The following SPATA6 variants were observed in gnomAD, a reference collection of about 807,000 sequenced individuals.
SPATA6 encodes the protein spermatogenesis associated 6.
In SPATA6, 56 loss-of-function variants were observed where a neutral mutation model predicts 65.3. The ratio of observed to expected loss-of-function variants is 0.86; its 90% CI spans 0.69 to 1.07. SPATA6 has a LOEUF of 1.07. Ranked by LOEUF, SPATA6 falls within the 50% of genes least tolerant of loss-of-function variation. The pLI, the probability that SPATA6 is intolerant of heterozygous loss-of-function variation, is 0.00. For missense variants in SPATA6, 590 were observed against 594.8 expected, an observed-to-expected ratio of 0.99 and a Z score of 0.08; for synonymous variants, 199 against 213.2, an observed-to-expected ratio of 0.93 and a Z score of 0.58.
At chr1:48,316,270 T>G (rs529481451) in intron 11 of SPATA6, among the ~76,000 whole-genome samples, 1 of 152,276 alleles carries the variant, frequency 6.6e-6, no homozygotes, top group Non-Finnish European at 1.5e-5. Context: ...TCACGCTACC[T>G]GACTTCAAAC....
chr1:48,366,528 G>C (rs1471576062), intron 9 of SPATA6, among the ~76,000 whole-genome samples: 2 of 152,190 alleles, frequency 1.3e-5, no homozygotes, highest in African/African-American at 4.8e-5. Flanking sequence ...TCTTGGGAGG[G>C]TGTATGTGTC....
At chr1:48,462,787 A>G (rs1286342574) in intron 1 of SPATA6, among the ~76,000 whole-genome samples, 3 of 152,204 alleles carry the variant, frequency 2.0e-5, no homozygotes, top group Admixed American at 6.5e-5. Flanking sequence ...TTATGTATCT[A>G]CTTCACTGGG....
At chr1:48,463,781 G>GA (rs954875429) in intron 1 of SPATA6, among the ~76,000 whole-genome samples, 1 of 151,620 alleles carries the variant, frequency 6.6e-6, no homozygotes, top group Non-Finnish European at 1.5e-5. Flanking sequence ...AAAAATAAGT[G>GA]AAAAAAAGTA....
the SPATA6 span, among the ~76,000 whole-genome samples, chr1:48,276,064 A>G: frequency 1.3e-5 from 2 of 152,038 alleles, no homozygotes; most frequent in Non-Finnish European, 2.9e-5. Flanking sequence ...TAGTCTTGGG[A>G]AGGTGTCTGT....
chr1:48,365,749 T>C (rs1303654993), intron 9 of SPATA6, among the ~76,000 whole-genome samples: 1 of 152,086 alleles, frequency 6.6e-6, no homozygotes, highest in East Asian at 1.9e-4. Flanking sequence ...ACAGGGACAA[T>C]TTGACTTCCT....
chr1:48,353,844 G>A (rs1388559613), intron 11 of SPATA6, among the ~76,000 whole-genome samples: 3 of 151,834 alleles, frequency 2.0e-5, no homozygotes, highest in Non-Finnish European at 2.9e-5. Context: ...AAGTCTTAAA[G>A]TAGACAAAAA....
At chr1:48,272,961 C>T in the SPATA6 span, among the ~76,000 whole-genome samples, 23 of 152,056 alleles carry the variant, frequency 1.5e-4, no homozygotes, top group Non-Finnish European at 3.2e-4. Context: ...TTTTAAATTG[C>T]TATTTGTAAT....
intron 3 of SPATA6, among the ~76,000 whole-genome samples, chr1:48,437,664 C>T (rs1307796295): frequency 6.6e-6 from 1 of 152,156 alleles, no homozygotes; most frequent in African/African-American, 2.4e-5. Flanking sequence ...TTACATCAGA[C>T]CCTTTTCTGG....
At chr1:48,370,340 C>T (rs367627653) in intron 9 of SPATA6, among the ~76,000 whole-genome samples, 1 of 152,130 alleles carries the variant, frequency 6.6e-6, no homozygotes, top group Non-Finnish European at 1.5e-5. Context: ...AGTGCAGGTA[C>T]AACTTGCAGG....
At chr1:48,306,105 A>G (rs933296421) in intron 11 of SPATA6, among the ~76,000 whole-genome samples, 5 of 152,044 alleles carry the variant, frequency 3.3e-5, no homozygotes, top group African/African-American at 1.2e-4. Context: ...ATTGCTTATC[A>G]AAGACTAGGT....
At chr1:48,323,616 GAA>G (rs34150171) in intron 11 of SPATA6, among the ~76,000 whole-genome samples, 15,949 of 105,268 alleles carry the variant, frequency 0.15, 1,066 homozygotes, top group Middle Eastern at 0.24. Flanking sequence ...CACAACAACA[GAA>G]AAAAAAAAAA....
intron 11 of SPATA6, among the ~76,000 whole-genome samples, chr1:48,331,128 G>A (rs1187019047): frequency 6.6e-6 from 1 of 152,176 alleles, no homozygotes; most frequent in Admixed American, 6.5e-5. Flanking sequence ...AGACCACAAA[G>A]ATGATAAACA....
chr1:48,428,832 T>C (rs1206355092), intron 3 of SPATA6, among the ~76,000 whole-genome samples: 1 of 146,606 alleles, frequency 6.8e-6, no homozygotes, highest in Non-Finnish European at 1.5e-5. Flanking sequence ...TATGTGTGTA[T>C]ATATATGTGT....
chr1:48,278,079 A>C, the SPATA6 span, among the ~76,000 whole-genome samples: 1 of 152,188 alleles, frequency 6.6e-6, no homozygotes, highest in Admixed American at 6.5e-5. Context: ...CAGCGTCTGG[A>C]GTGGACCTCT....
chr1:48,446,653 T>C (rs972222720), intron 3 of SPATA6, among the ~76,000 whole-genome samples: 1 of 152,158 alleles, frequency 6.6e-6, no homozygotes, highest in African/African-American at 2.4e-5. Flanking sequence ...GTGCAATAAA[T>C]TGATAACCAT....
intron 6 of SPATA6, among the ~76,000 whole-genome samples, chr1:48,403,424 A>G (rs1389075528): frequency 6.6e-6 from 1 of 152,144 alleles, no homozygotes; most frequent in Non-Finnish European, 1.5e-5. Flanking sequence ...CTTAAAAGGT[A>G]TCCTTTGAAC....
At chr1:48,433,444 C>A (rs1654593373) in intron 3 of SPATA6, among the ~76,000 whole-genome samples, 1 of 152,112 alleles carries the variant, frequency 6.6e-6, no homozygotes, top group Admixed American at 6.5e-5. Flanking sequence ...TATTTTGTAA[C>A]TGTCTACTAT....
At chr1:48,336,021 T>C (rs566377470) in intron 11 of SPATA6, among the ~76,000 whole-genome samples, 3 of 152,016 alleles carry the variant, frequency 2.0e-5, no homozygotes, top group Non-Finnish European at 4.4e-5. Context: ...CCAAAAAGCA[T>C]ATGAAAAAAT....
rs575702437 is a variant in SPATA6, at chr1:48,425,787, C to T, written c.239-12636G>A. On this transcript the variant is annotated intron_variant, in intron 3 of 12. Transcript: ENST00000371847. ...ATGAATAAAACAAATTTTATCCCTACTTTATACTATATATAAAAATTAAAT... is the reference window on the plus strand; with the variant it reads ...ATGAATAAAACAAATTTTATCCCTATTTTATACTATATATAAAAATTAAAT... Among the ~76,000 whole-genome samples, 5 of 152,068 alleles carry T rather than the reference C, an allele frequency of 3.3e-5. No individual in the cohort carries two copies. In the East Asian group the frequency reaches 7.7e-4, roughly 24 times the overall value.
Sources: gnomAD v4.1 joint callset for allele counts (sites outside exome capture counted in the v4.1 genomes callset) on GRCh38, gnomAD v4.1.1 for gene constraint, MANE v1.5 for transcripts, NCBI Gene and HGNC (gene_info 2026-07-23, HGNC 2026-07-21) for gene names.